Variants in ZNF462 observed in about 807,000 individuals in gnomAD.
ZNF462 encodes zinc finger protein 462.
In ZNF462, 10 loss-of-function variants were observed where a neutral mutation model predicts 201.9. The ratio of observed to expected loss-of-function variants is 0.05; its 90% CI spans 0.03 to 0.08. The LOEUF (loss-of-function observed/expected upper bound fraction) is 0.08, where lower values mean the gene tolerates loss of function less well. Among genes scored for constraint, ZNF462 ranks in the 10% least tolerant of loss-of-function variants. The pLI is 1.00. For synonymous variants in ZNF462, 1,227 were observed against 1,193.3 expected (o/e 1.03, Z -0.58); for missense variants, 2,523 against 3,168.3 (o/e 0.80, Z 4.89).
chr9:106,866,104 A>G (rs1827319567), intron 1 of ZNF462, among the ~76,000 whole-genome samples: 1 of 152,208 alleles, frequency 6.6e-6, no homozygotes, highest in Admixed American at 6.5e-5. Flanking sequence ...ACCAGTTAAT[A>G]TATTCTAAGG....
intron 7 of ZNF462, among the ~76,000 whole-genome samples, chr9:106,971,050 A>C (rs1588134261): frequency 1.3e-5 from 2 of 152,290 alleles, no homozygotes; most frequent in South Asian, 4.1e-4. Flanking sequence ...CTCCATCTTA[A>C]TGCTGACTAA....
chr9:106,875,214 C>G (rs924333445), intron 1 of ZNF462, among the ~76,000 whole-genome samples: 1 of 152,036 alleles, frequency 6.6e-6, no homozygotes, highest in Non-Finnish European at 1.5e-5. Context: ...GTAGAAAGGT[C>G]GTGGCAATAT....
Position 106,928,820 on chromosome 9 carries a change from G to A in ZNF462, c.4908G>A (p.Glu1636=), listed in dbSNP as rs761233561. 9.3e-6 allele frequency: 15 copies of A among 1,613,994 alleles called. No individual in the cohort carries two copies. The South Asian group carries it at 1.4e-4, about 15-fold the overall frequency. Residue 1636 remains glutamate (E), a synonymous_variant, in exon 3 of 13, where the codon GAG becomes GAA. Coordinates refer to ENST00000277225, the MANE Select transcript of ZNF462 (RefSeq NM_021224.6). This position sits in a 1 kb window ranked among gnomAD's most constrained non-coding sequence, Gnocchi z 9.3. ...GCCCTTCCCAAGTCTCCATCACTGAGGAGGAGGTGGGAGAGGAGCCCGTGT... is the reference window on the plus strand; with the variant it reads ...GCCCTTCCCAAGTCTCCATCACTGAAGAGGAGGTGGGAGAGGAGCCCGTGT... The part of the protein sequence containing the change: ...EVSPSQVSIT[E]EEVGEEPVST...
At chr9:106,915,152 T>C (rs1258218645) in intron 1 of ZNF462, among the ~76,000 whole-genome samples, 1 of 151,720 alleles carries the variant, frequency 6.6e-6, no homozygotes, top group Non-Finnish European at 1.5e-5. Context: ...TTTTTGGTTT[T>C]AGTGATCTGA....
chr9:106,903,926 G>A (rs774311659), intron 1 of ZNF462, among the ~76,000 whole-genome samples: 28 of 152,176 alleles, frequency 1.8e-4, no homozygotes, highest in Non-Finnish European at 3.2e-4. Flanking sequence ...TTCAATATCA[G>A]TATTGAAATG....
chr9:106,894,331 A>G (rs918108201), intron 1 of ZNF462, among the ~76,000 whole-genome samples: 3 of 152,242 alleles, frequency 2.0e-5, no homozygotes, highest in African/African-American at 7.2e-5. Flanking sequence ...TGTAGGTAGT[A>G]GAGACATGCT....
At chr9:106,986,976 C>CATAGATAG (rs55877241) in intron 10 of ZNF462, among the ~76,000 whole-genome samples, 3,019 of 143,412 alleles carry the variant, frequency 0.021, 36 homozygotes, top group African/African-American at 0.031. Flanking sequence ...AGTATTCCAT[C>CATAGATAG]ATAGATAGAT....
chr9:106,873,966 A>G lies in ZNF462; in HGVS notation c.-31+10611A>G, dbSNP rs567318880. Among the ~76,000 whole-genome samples, 19 of 152,308 alleles carry G rather than the reference A, an allele frequency of 1.2e-4. 1 individual carries two copies. In the South Asian group the frequency reaches 3.7e-3, roughly 30 times the overall value. On this transcript the variant is annotated intron_variant, in intron 1 of 12. Transcript: ENST00000277225. Reference sequence around the variant, plus strand: ...TGGTCTCCAGACAGACCCATAATCAAAACCTTCGTAGAAGGATAAACACAT... The same window carrying G: ...TGGTCTCCAGACAGACCCATAATCAGAACCTTCGTAGAAGGATAAACACAT...
At chr9:106,881,374 G>T (rs2130937923) in intron 1 of ZNF462, among the ~76,000 whole-genome samples, 2 of 150,754 alleles carry the variant, frequency 1.3e-5, no homozygotes, top group Middle Eastern at 3.4e-3. Context: ...ATAGTGGAAA[G>T]ATCGTAGACC....
At chr9:106,965,415 G>A (rs903910537) in intron 7 of ZNF462, among the ~76,000 whole-genome samples, 1 of 151,964 alleles carries the variant, frequency 6.6e-6, no homozygotes, top group Admixed American at 6.6e-5. Flanking sequence ...ACACCAGGTA[G>A]GAGACTTCAA....
chr9:106,930,067 C>G lies in ZNF462; in HGVS notation c.5847+308C>G, dbSNP rs568341831. On this transcript the variant is annotated intron_variant, in intron 3 of 12. Coordinates refer to ENST00000277225, the MANE Select transcript of ZNF462 (RefSeq NM_021224.6). This position sits in a 1 kb window ranked among gnomAD's most constrained non-coding sequence, Gnocchi z 5.8. Reference sequence around the variant, plus strand: ...TCTGAAGCCTAGTTTTACAACAACGCTCGCTCTTTCCTAAGGCAGTGTGGG... The same window carrying G: ...TCTGAAGCCTAGTTTTACAACAACGGTCGCTCTTTCCTAAGGCAGTGTGGG... Among the ~76,000 whole-genome samples, 1 of 152,252 alleles carries G rather than the reference C, an allele frequency of 6.6e-6. No homozygotes were observed. The highest frequency in any genetic ancestry group is 2.4e-5 in the African/African-American group (1 of 41,538).
chr9:106,916,136 T>TG (rs1829763789), intron 1 of ZNF462, among the ~76,000 whole-genome samples: 1 of 152,246 alleles, frequency 6.6e-6, no homozygotes, highest in Non-Finnish European at 1.5e-5. Context: ...ATCATTTTTT[T>TG]TTTCTTTGCA....
intron 10 of ZNF462, chr9:106,995,414 G>A (rs1564161046): frequency 6.6e-6 from 1 of 151,976 alleles, no homozygotes; most frequent in Non-Finnish European, 1.5e-5. Context: ...ATCACATTTT[G>A]CAACATAACG....
At chr9:106,996,161 C>G (rs1479909050) in intron 10 of ZNF462, among the ~76,000 whole-genome samples, 1 of 152,162 alleles carries the variant, frequency 6.6e-6, no homozygotes, top group Non-Finnish European at 1.5e-5. Context: ...TTTTTTATGG[C>G]TGCATAGTAT....
In ZNF462 at chr9:106,972,393, T is replaced by TGTAG; in HGVS notation, c.6695+123_6695+126dup. 7.2e-7 allele frequency: 1 copy of TGTAG among 1,394,524 alleles called. No individual in the cohort carries two copies. Among genetic ancestry groups the TGTAG allele is most frequent in the Non-Finnish European group, 9.7e-7 (1 of 1,034,666 alleles). 86.4% of individuals were successfully genotyped at this position (1,394,524 alleles called of 1,614,324 possible). A position where few individuals can be genotyped will look rare whatever the true frequency, so the allele number is the denominator to read the frequency against. On this transcript the variant is annotated intron_variant, in intron 8 of 12. Coordinates refer to ENST00000277225, the MANE Select transcript of ZNF462 (RefSeq NM_021224.6). This position sits in a 1 kb window ranked among gnomAD's most constrained non-coding sequence, Gnocchi z 4.8. ...ATGGGAGGCCCTGCCCATGTGATGA[T>TGTAG]GTAGGGGTTGGGTCCAGGCTTCATG... is the stretch of plus-strand genomic sequence containing the variant.
In ZNF462 at chr9:106,925,964, T is replaced by C. The variant is rs1195213258; in HGVS notation, c.2052T>C (p.Pro684=). ...KASRKLANDF[P]LDLSPVKKRT... is the part of the protein sequence containing the mutation. The stretch of plus-strand genomic sequence containing the variant: ...CTAGGAAGCTCGCCAATGACTTTCC[T>C]CTAGATTTGTCACCCGTGAAGAAGA... Residue 684 remains proline (P), a synonymous_variant, in exon 3 of 13, where the codon CCT becomes CCC. Transcript: ENST00000277225. This position sits in a 1 kb window ranked among gnomAD's most constrained non-coding sequence, Gnocchi z 7.9. 6.2e-7 allele frequency: 1 copy of C among 1,613,992 alleles called. No individual in the cohort carries two copies. Among genetic ancestry groups the C allele is most frequent in the African/African-American group, 1.3e-5 (1 of 74,880 alleles).
At position 106,880,938 on chromosome 9, in the gene ZNF462, A is replaced by G. The variant is rs1458461842; in HGVS notation, c.-31+17583A>G. 1.3e-5 allele frequency among the ~76,000 whole-genome samples: 2 copies of G among 152,196 alleles called. No homozygotes were observed. The highest frequency in any genetic ancestry group is 2.9e-5 in the Non-Finnish European group (2 of 68,038). On this transcript the variant is annotated intron_variant, in intron 1 of 12. Coordinates refer to ENST00000277225, the MANE Select transcript of ZNF462 (RefSeq NM_021224.6). The surrounding 1 kb of genome is among the most constrained non-coding windows in gnomAD (Gnocchi z 4.1). ...TTCTTTAAGAATTCTGATTCCTACA[A>G]AACAATATTGGCAGGTTTTCAAGGA...
chr9:106,902,180 G>C lies in ZNF462; in HGVS notation c.-30-21174G>C, dbSNP rs1221744355. On this transcript the variant is annotated intron_variant, in intron 1 of 12. Transcript: ENST00000277225. The surrounding 1 kb of genome is among the most constrained non-coding windows in gnomAD (Gnocchi z 4.2). ...TTTCTGCCTCTATTGAGATGATCAT[G>C]TGATTTTTTATTTTTAATTCTGTTT... 6.6e-6 allele frequency among the ~76,000 whole-genome samples: 1 copy of C among 152,120 alleles called. No individual in the cohort carries two copies. The highest frequency in any genetic ancestry group is 1.5e-5 in the Non-Finnish European group (1 of 68,020).
At chr9:106,888,391 T>C (rs1458861683) in intron 1 of ZNF462, among the ~76,000 whole-genome samples, 2 of 152,226 alleles carry the variant, frequency 1.3e-5, no homozygotes, top group Admixed American at 6.5e-5. Flanking sequence ...TATCTTTTTA[T>C]GTACGAACTG....
Sources: allele counts gnomAD v4.1 joint callset (sites outside exome capture counted in the v4.1 genomes callset), GRCh38; gene constraint gnomAD v4.1.1; non-coding constraint Gnocchi (gnomAD v3.1); transcripts MANE v1.5; gene names NCBI Gene and HGNC (gene_info 2026-07-23, HGNC 2026-07-21).